Variants in GRID2 observed in about 807,000 individuals in gnomAD.
GRID2 encodes glutamate ionotropic receptor delta type subunit 2.
GRID2 carries 33 observed loss-of-function variants against 114.8 expected under a neutral mutation model. The ratio of observed to expected loss-of-function variants is 0.29; its 90% CI spans 0.22 to 0.38. The LOEUF (loss-of-function observed/expected upper bound fraction) is 0.38. Among genes scored for constraint, GRID2 ranks in the 10% least tolerant of loss-of-function variants. The pLI is 1.00. For missense variants in GRID2, 1,184 were observed against 1,257.7 expected (o/e 0.94, Z 0.89); for synonymous variants, 505 against 449.9 (o/e 1.12, Z -1.55).
chr4:92,681,761 G>A (rs1205583232), intron 2 of GRID2, among the ~76,000 whole-genome samples: 1 of 152,062 alleles, frequency 6.6e-6, no homozygotes, highest in Non-Finnish European at 1.5e-5. Flanking sequence ...TAAAAATTAA[G>A]TAACAGAAAA....
At chr4:92,609,678 C>T (rs1375835991) in intron 2 of GRID2, among the ~76,000 whole-genome samples, 1 of 150,870 alleles carries the variant, frequency 6.6e-6, no homozygotes, top group East Asian at 1.9e-4. Flanking sequence ...TTCTCGTGAC[C>T]ACATTAGTAC....
intron 11 of GRID2, among the ~76,000 whole-genome samples, chr4:93,469,516 A>G (rs958362749): frequency 6.6e-6 from 1 of 152,016 alleles, no homozygotes; most frequent in Non-Finnish European, 1.5e-5. Flanking sequence ...ATCTGCTAAC[A>G]TTCATAATAG....
intron 1 of GRID2, among the ~76,000 whole-genome samples, chr4:93,805,221 A>G (rs1735007266): frequency 1.3e-5 from 2 of 152,344 alleles, no homozygotes; most frequent in East Asian, 1.9e-4. Flanking sequence ...TCAAAAACTT[A>G]ACTTCATGTT....
chr4:93,515,447 A>G, intron 13 of GRID2, 36 bp downstream of exon 13: 2 of 1,318,218 alleles, frequency 1.5e-6, no homozygotes, highest in East Asian at 2.5e-5. Context: ...AGTCCTTACC[A>G]TTTTGTGTCC....
chr4:93,616,599 A>G (rs1051570230), intron 13 of GRID2, among the ~76,000 whole-genome samples: 6 of 141,530 alleles, frequency 4.2e-5, no homozygotes, highest in African/African-American at 1.6e-4. Context: ...TAAAATAAAT[A>G]TTTTATTATA....
chr4:92,909,349 C>A (rs1748199740), intron 2 of GRID2, among the ~76,000 whole-genome samples: 1 of 151,388 alleles, frequency 6.6e-6, no homozygotes, highest in African/African-American at 2.4e-5. Flanking sequence ...TAAAAGAGCA[C>A]TTTTTCACAT....
intron 1 of GRID2, among the ~76,000 whole-genome samples, chr4:92,384,430 A>G (rs1349750960): frequency 1.7e-4 from 7 of 41,078 alleles, no homozygotes; most frequent in African/African-American, 8.2e-4. Flanking sequence ...GTGTGTGTGT[A>G]GGAATATATA....
At chr4:92,352,108 C>G (rs1728095971) in intron 1 of GRID2, among the ~76,000 whole-genome samples, 1 of 151,758 alleles carries the variant, frequency 6.6e-6, no homozygotes, top group Non-Finnish European at 1.5e-5. Flanking sequence ...GTACTAATTC[C>G]CATCAACAGT....
chr4:92,404,855 G>C (rs972151626), intron 1 of GRID2, among the ~76,000 whole-genome samples: 2 of 152,090 alleles, frequency 1.3e-5, no homozygotes, highest in African/African-American at 2.4e-5. Context: ...ACACAGAGGG[G>C]AACAACACAC....
In GRID2 at chr4:93,592,750, G is replaced by A. The variant is rs1738529843; in HGVS notation, c.2194-33519G>A. On this transcript the variant is annotated intron_variant, in intron 13 of 15. Transcript: ENST00000282020. ...ATGAATCTGGGTGCTCATGTATTGG[G>A]TGCATACATATTTAGGACAGTTAGC... Among the ~76,000 whole-genome samples, 3 of 152,134 alleles carry A rather than the reference G, an allele frequency of 2.0e-5. No homozygotes were observed. In the South Asian group the frequency reaches 6.2e-4, roughly 32 times the overall value.
At chr4:93,314,670 T>C (rs993357298) in intron 8 of GRID2, among the ~76,000 whole-genome samples, 3 of 152,094 alleles carry the variant, frequency 2.0e-5, no homozygotes, top group South Asian at 2.1e-4. Context: ...TTTCTTTTCC[T>C]TTCATGCAAT....
intron 3 of GRID2, among the ~76,000 whole-genome samples, chr4:93,105,652 T>A (rs1048227581): frequency 6.6e-6 from 1 of 152,160 alleles, no homozygotes; most frequent in Non-Finnish European, 1.5e-5. Flanking sequence ...TTCCACCTTC[T>A]AGAAACAACC....
intron 1 of GRID2, among the ~76,000 whole-genome samples, chr4:92,477,081 G>T (rs1342868641): frequency 7.8e-6 from 1 of 128,702 alleles, no homozygotes; most frequent in African/African-American, 2.8e-5. Flanking sequence ...GTGTGTGTGT[G>T]TGTGTGTGTG....
At chr4:92,825,337 C>T (rs922258293) in intron 2 of GRID2, among the ~76,000 whole-genome samples, 2 of 152,150 alleles carry the variant, frequency 1.3e-5, no homozygotes, top group Non-Finnish European at 2.9e-5. Flanking sequence ...TCAGCCCCTA[C>T]TAAAACTCTT....
intron 14 of GRID2, among the ~76,000 whole-genome samples, chr4:93,681,247 A>T: frequency 6.6e-6 from 1 of 151,514 alleles, no homozygotes; most frequent in Middle Eastern, 3.2e-3. Flanking sequence ...CTTCAAGAAG[A>T]ACTACAAACC....
At chr4:93,430,341 C>T (rs1044307902) in intron 10 of GRID2, among the ~76,000 whole-genome samples, 6 of 152,084 alleles carry the variant, frequency 3.9e-5, no homozygotes, top group South Asian at 4.1e-4. Flanking sequence ...CCACCATACC[C>T]GGCTAATTTT....
chr4:93,746,797 A>G (rs1378549867), intron 14 of GRID2, among the ~76,000 whole-genome samples: 1 of 152,098 alleles, frequency 6.6e-6, no homozygotes, highest in Non-Finnish European at 1.5e-5. Flanking sequence ...CAGTATAATG[A>G]TTAAAATAAA....
At chr4:93,290,208 T>C (rs1250456063) in intron 8 of GRID2, among the ~76,000 whole-genome samples, 1 of 152,200 alleles carries the variant, frequency 6.6e-6, no homozygotes, top group Non-Finnish European at 1.5e-5. Flanking sequence ...TTCCTCAATG[T>C]AGCTAAAGGA....
chr4:92,904,297 C>G (rs1255552117), intron 2 of GRID2, among the ~76,000 whole-genome samples: 1 of 149,368 alleles, frequency 6.7e-6, no homozygotes, highest in Admixed American at 6.7e-5. Flanking sequence ...CATACATACC[C>G]AAATATGAAG....
Sources: allele counts gnomAD v4.1 joint callset (sites outside exome capture counted in the v4.1 genomes callset), GRCh38; gene constraint gnomAD v4.1.1; transcripts MANE v1.5; gene names NCBI Gene and HGNC (gene_info 2026-07-23, HGNC 2026-07-21).